The following ARHGAP18 variants were observed in gnomAD, a reference collection of about 807,000 sequenced individuals.
The protein encoded by ARHGAP18 is rho GTPase-activating protein 18.
ARHGAP18 carries 67 observed loss-of-function variants against 86.2 expected under a neutral mutation model. The ratio of observed to expected loss-of-function variants is 0.78; its 90% CI spans 0.64 to 0.95. ARHGAP18 has a LOEUF of 0.95. Among genes scored for constraint, ARHGAP18 ranks in the 40% least tolerant of loss-of-function variants. The pLI, the probability that ARHGAP18 is intolerant of heterozygous loss-of-function variation, is 0.00. For synonymous variants in ARHGAP18, 283 were observed against 280.4 expected, an observed-to-expected ratio of 1.01 and a Z score of -0.09; for missense variants, 691 against 780.4, an observed-to-expected ratio of 0.89 and a Z score of 1.37.
intron 2 of ARHGAP18, 148 bp from the exon 3 acceptor site, chr6:129,638,777 T>A: frequency 1.4e-6 from 1 of 720,306 alleles, no homozygotes; most frequent in Non-Finnish European, 2.3e-6. Context: ...ACAACTGCCA[T>A]ACACTCCAGC....
chr6:129,645,391 T>A (rs73592428), intron 1 of ARHGAP18, among the ~76,000 whole-genome samples: 1 of 152,090 alleles, frequency 6.6e-6, no homozygotes, highest in Admixed American at 6.6e-5. Flanking sequence ...TAAAGCAACA[T>A]CTGCTAGATG....
intron 11 of ARHGAP18, 123 bp from the exon 12 acceptor site, chr6:129,599,479 G>A: frequency 2.3e-6 from 2 of 859,714 alleles, no homozygotes; most frequent in Non-Finnish European, 3.2e-6. Context: ...TGATAAGACT[G>A]CCATTTTACA....
chr6:129,581,901 A>G (rs1788296973), intron 13 of ARHGAP18, among the ~76,000 whole-genome samples: 1 of 152,180 alleles, frequency 6.6e-6, no homozygotes, highest in Admixed American at 6.5e-5. Context: ...ACAGTGCTAT[A>G]TGCTGCATGG....
At chr6:129,625,194 ATATATATT>A (rs1353582274) in intron 5 of ARHGAP18, among the ~76,000 whole-genome samples, 15 of 80,966 alleles carry the variant, frequency 1.9e-4, no homozygotes, top group African/African-American at 5.3e-4. Context: ...ATTATATATG[ATATATATT>A]TATATGTAAT....
intron 1 of ARHGAP18, among the ~76,000 whole-genome samples, chr6:129,653,402 C>CA (rs911620281): frequency 3.3e-5 from 5 of 152,134 alleles, no homozygotes; most frequent in Non-Finnish European, 7.4e-5. Context: ...ATGAGTAGCT[C>CA]AAAATCAACT....
intron 2 of ARHGAP18, 44 bp from the exon 3 acceptor site, chr6:129,638,673 C>T (rs1025654442): frequency 3.2e-6 from 5 of 1,539,594 alleles, no homozygotes; most frequent in Non-Finnish European, 4.4e-6. Flanking sequence ...CAAAATATAA[C>T]AACCTTTACA....
chr6:129,608,371 G>C (rs190272742), intron 8 of ARHGAP18, among the ~76,000 whole-genome samples: 1 of 152,046 alleles, frequency 6.6e-6, no homozygotes, highest in African/African-American at 2.4e-5. Flanking sequence ...TGTTCCATTT[G>C]GGGGCTTCAT....
chr6:129,579,464 T>A (rs149819619), intron 14 of ARHGAP18, among the ~76,000 whole-genome samples: 1,934 of 152,258 alleles, frequency 0.013, 18 homozygotes, highest in Middle Eastern at 0.027. Context: ...TTAATAATTT[T>A]ACCCTTACCA....
intron 1 of ARHGAP18, among the ~76,000 whole-genome samples, chr6:129,649,449 G>A (rs1773655539): frequency 1.3e-5 from 2 of 151,076 alleles, no homozygotes; most frequent in African/African-American, 4.9e-5. Flanking sequence ...AGCTACTCTG[G>A]AGGCTGAGGC....
chr6:129,657,429 T>TAAA (rs373569721), intron 1 of ARHGAP18, among the ~76,000 whole-genome samples: 28,949 of 136,334 alleles, frequency 0.21, 2,910 homozygotes, highest in Middle Eastern at 0.23. Flanking sequence ...TTTTTGAAAT[T>TAAA]AAAAAAAAAA....
At chr6:129,681,400 T>A (rs568888189) in intron 1 of ARHGAP18, among the ~76,000 whole-genome samples, 1 of 152,216 alleles carries the variant, frequency 6.6e-6, no homozygotes, top group South Asian at 2.1e-4. Flanking sequence ...ACATTGTTAA[T>A]ACTTAACAGT....
At chr6:129,688,456 G>A (rs1197260318) in intron 1 of ARHGAP18, among the ~76,000 whole-genome samples, 1 of 152,156 alleles carries the variant, frequency 6.6e-6, no homozygotes, top group Non-Finnish European at 1.5e-5. Flanking sequence ...TAAAGCACCT[G>A]TTAACAAACT....
At chr6:129,614,711 G>A (rs540123791) in intron 7 of ARHGAP18, among the ~76,000 whole-genome samples, 3 of 147,992 alleles carry the variant, frequency 2.0e-5, no homozygotes, top group African/African-American at 5.0e-5. Context: ...GCGCCCAGGT[G>A]TTCAGTCAAA....
chr6:129,599,130 A>G, intron 12 of ARHGAP18, 86 bp downstream of exon 12: 2 of 1,162,080 alleles, frequency 1.7e-6, no homozygotes, highest in Non-Finnish European at 2.3e-6. Flanking sequence ...GCAGAAAGTC[A>G]TACTATGAAA....
At chr6:129,613,052 T>C (rs1424329088) in intron 7 of ARHGAP18, among the ~76,000 whole-genome samples, 2 of 151,768 alleles carry the variant, frequency 1.3e-5, no homozygotes, top group Admixed American at 1.3e-4. Flanking sequence ...GTTAACATGG[T>C]GAAACCCCGT....
At chr6:129,662,475 G>A (rs1773972510) in intron 1 of ARHGAP18, among the ~76,000 whole-genome samples, 1 of 152,220 alleles carries the variant, frequency 6.6e-6, no homozygotes, top group African/African-American at 2.4e-5. Context: ...TTCTTCTAGT[G>A]CAGAAGTCCT....
intron 1 of ARHGAP18, among the ~76,000 whole-genome samples, chr6:129,649,558 A>C (rs1773659832): frequency 6.6e-6 from 1 of 150,432 alleles, no homozygotes; most frequent in African/African-American, 2.4e-5. Flanking sequence ...GTCTCCAAAA[A>C]AAAAAAAAAA....
chr6:129,642,096 G>C, intron 1 of ARHGAP18, 78 bp from the exon 2 acceptor site: 1 of 1,323,616 alleles, frequency 7.6e-7, no homozygotes, highest in South Asian at 1.3e-5. Context: ...ACAGCAACAA[G>C]CTGGAGAATT....
intron 1 of ARHGAP18, among the ~76,000 whole-genome samples, chr6:129,681,275 A>T (rs1774320663): frequency 6.6e-6 from 1 of 152,110 alleles, no homozygotes; most frequent in Non-Finnish European, 1.5e-5. Context: ...ACAGGGTTTT[A>T]CTATGTTGGC....
Sources: allele counts gnomAD v4.1 joint callset (sites outside exome capture counted in the v4.1 genomes callset), GRCh38; gene constraint gnomAD v4.1.1; transcripts MANE v1.5; gene names NCBI Gene and HGNC (gene_info 2026-07-23, HGNC 2026-07-21).